PCDHA1: variants seen among roughly 807,000 people sequenced by gnomAD.
PCDHA1 encodes protocadherin alpha-1.
A neutral mutation model predicts 61.3 loss-of-function variants in PCDHA1; 42 were observed. That is an observed-to-expected ratio of 0.69 (90% CI 0.54 to 0.89). PCDHA1 has a LOEUF of 0.89. Ranked by LOEUF, PCDHA1 falls within the 40% of genes least tolerant of loss-of-function variation. PCDHA1 has a pLI of 0.00. For synonymous variants in PCDHA1, 610 were observed against 553.8 expected (o/e 1.10, Z -1.43); for missense variants, 1,256 against 1,235.3 (o/e 1.02, Z -0.25).
chr5:140,901,268 T>C (rs185427298), intron 1 of PCDHA1, among the ~76,000 whole-genome samples: 57 of 152,328 alleles, frequency 3.7e-4, no homozygotes, highest in African/African-American at 1.3e-3. Context: ...TGTGGGGTAT[T>C]ACTCAAGAAA....
intron 1 of PCDHA1, among the ~76,000 whole-genome samples, chr5:140,893,581 T>C (rs1224207477): frequency 1.3e-5 from 2 of 152,216 alleles, no homozygotes; most frequent in African/African-American, 4.8e-5. Context: ...TTTTTGCTTG[T>C]TTGGGAAATA....
chr5:140,937,260 A>G (rs1427466170), intron 1 of PCDHA1, among the ~76,000 whole-genome samples: 1 of 151,830 alleles, frequency 6.6e-6, no homozygotes, highest in Non-Finnish European at 1.5e-5. Flanking sequence ...GATGGTCTCG[A>G]TCTCCTGACC....
At chr5:140,863,518 C>T (rs1339237201) in intron 1 of PCDHA1, 13 of 402,142 alleles carry the variant, frequency 3.2e-5, no homozygotes, top group Middle Eastern at 7.3e-4. Context: ...AGTGTTCTCC[C>T]ATGGTTCAGA....
At chr5:140,927,547 G>A (rs2084343936) in intron 1 of PCDHA1, 2 of 1,614,126 alleles carry the variant, frequency 1.2e-6, no homozygotes, top group Non-Finnish European at 8.5e-7. Flanking sequence ...AGACGCACAA[G>A]TCACCATCAT....
At chr5:140,971,892 G>T in intron 1 of PCDHA1, among the ~76,000 whole-genome samples, 1 of 151,812 alleles carries the variant, frequency 6.6e-6, no homozygotes, top group African/African-American at 2.4e-5. Context: ...AGCTCAGGGA[G>T]GTTAGGTAAT....
intron 1 of PCDHA1, among the ~76,000 whole-genome samples, chr5:140,937,865 T>C (rs1056873213): frequency 2.0e-5 from 3 of 149,988 alleles, no homozygotes; most frequent in Non-Finnish European, 2.9e-5. Context: ...TGAGCCGAGA[T>C]CGCGCCACTG....
rs1032045343 is a variant in PCDHA1 at position 140,949,549 on chromosome 5, G to A, written c.2395-29400G>A. On this transcript the variant is annotated intron_variant, in intron 1 of 3. Transcript: ENST00000504120. Reference sequence around the variant, plus strand: ...CTTCATAAAATATCGATTTGTTGCTGGTCATACTTTTTTTCTTGTAGTAGC... The same window carrying A: ...CTTCATAAAATATCGATTTGTTGCTAGTCATACTTTTTTTCTTGTAGTAGC... Among the ~76,000 whole-genome samples the A allele has an allele frequency of 2.0e-5, 3 of 151,684 alleles. No homozygotes were observed. In the South Asian group the frequency reaches 6.2e-4, roughly 31 times the overall value.
At chr5:140,803,899 A>G in intron 1 of PCDHA1, 1 of 526,416 alleles carries the variant, frequency 1.9e-6, no homozygotes, top group African/African-American at 1.9e-5. Context: ...TGCATTATTT[A>G]GAGAATCTGA....
At chr5:140,853,269 C>G (rs1458321470) in intron 1 of PCDHA1, 2 of 975,966 alleles carry the variant, frequency 2.0e-6, no homozygotes, top group African/African-American at 1.8e-5. Flanking sequence ...AGAGTACAAG[C>G]TCTCATCATA....
At chr5:140,834,180 C>G in intron 1 of PCDHA1, 1 of 562,966 alleles carries the variant, frequency 1.8e-6, no homozygotes, top group Non-Finnish European at 3.1e-6. Context: ...ATGATGGCCA[C>G]ATGATGTCGC....
chr5:140,850,555 C>T (rs1562471328), intron 1 of PCDHA1: 2 of 1,598,250 alleles, frequency 1.3e-6, no homozygotes, highest in South Asian at 1.1e-5. Context: ...GTGGGTGCCA[C>T]GGGCCCCGAG....
rs781883995 is a variant in PCDHA1, at chr5:140,876,273, C to A, written c.2394+87589C>A. Reference sequence around the variant, plus strand: ...CAAGAGTGATCCAACTAAATGCTTCCGATCCAGACGAAGGACTTAATGGAG... The same window carrying A: ...CAAGAGTGATCCAACTAAATGCTTCAGATCCAGACGAAGGACTTAATGGAG... On this transcript the variant is annotated intron_variant, in intron 1 of 3. Coordinates refer to ENST00000504120, the MANE Select transcript of PCDHA1 (RefSeq NM_018900.4). 6.8e-6 allele frequency: 11 copies of A among 1,613,984 alleles called. No individual in the cohort carries two copies. The South Asian group carries it at 1.2e-4, about 18-fold the overall frequency.
chr5:140,870,708 C>T (rs781841032), intron 1 of PCDHA1: 4 of 1,612,898 alleles, frequency 2.5e-6, no homozygotes, highest in Admixed American at 1.7e-5. Context: ...TCCAGGTGAG[C>T]GCGCGCGATG....
chr5:140,798,523 C>T (rs1363414619), intron 1 of PCDHA1, among the ~76,000 whole-genome samples: 2 of 152,116 alleles, frequency 1.3e-5, no homozygotes, highest in African/African-American at 4.8e-5. Context: ...GATAAATCAT[C>T]CTTTCAGTAT....
At chr5:140,883,455 A>T in intron 1 of PCDHA1, 1 of 1,614,128 alleles carries the variant, frequency 6.2e-7, no homozygotes, top group East Asian at 2.2e-5. Flanking sequence ...GTCCCCTTCA[A>T]GCTGGTGTCC....
chr5:140,945,620 C>T (rs1451535910), intron 1 of PCDHA1, among the ~76,000 whole-genome samples: 2 of 152,092 alleles, frequency 1.3e-5, no homozygotes, highest in African/African-American at 4.8e-5. Context: ...CAGCATGGTA[C>T]TGGCATAAAA....
intron 1 of PCDHA1, chr5:140,871,313 C>A (rs371295919): frequency 1.4e-5 from 23 of 1,613,924 alleles, no homozygotes; most frequent in African/African-American, 9.3e-5. Context: ...GGGAAGCCCA[C>A]GCTGGTGTGC....
At chr5:140,823,673 C>T (rs1767830997) in intron 1 of PCDHA1, 4 of 1,613,942 alleles carry the variant, frequency 2.5e-6, no homozygotes, top group Non-Finnish European at 3.4e-6. Flanking sequence ...ATCAGCACAA[C>T]ACGCTCTCTG....
chr5:140,997,575 C>T (rs565835201), intron 3 of PCDHA1, among the ~76,000 whole-genome samples: 5 of 151,884 alleles, frequency 3.3e-5, no homozygotes, highest in East Asian at 3.9e-4. Context: ...ATGTGTGGTC[C>T]GTTGTTGACT....
Sources: gnomAD v4.1 joint callset for allele counts (sites outside exome capture counted in the v4.1 genomes callset) on GRCh38, gnomAD v4.1.1 for gene constraint, MANE v1.5 for transcripts, NCBI Gene and HGNC (gene_info 2026-07-23, HGNC 2026-07-21) for gene names.